TNS3: variants seen among roughly 807,000 people sequenced by gnomAD.
TNS3 encodes the protein tensin 3.
Under a neutral mutation model 140.9 loss-of-function variants are expected in TNS3, and 45 were observed. The ratio of observed to expected loss-of-function variants is 0.32; its 90% CI spans 0.25 to 0.41. TNS3 has a LOEUF of 0.41. TNS3 is among the 10% of genes least tolerant of loss of function. The pLI is 1.00. For missense variants in TNS3, 1,716 were observed against 1,906.7 expected (o/e 0.90, Z 1.86); for synonymous variants, 815 against 788.4 (o/e 1.03, Z -0.56).
chr7:47,406,761 A>T (rs74580496), intron 13 of TNS3, among the ~76,000 whole-genome samples: 5,741 of 152,282 alleles, frequency 0.038, 159 homozygotes, highest in South Asian at 0.12. Flanking sequence ...CCACCTGCAT[A>T]TCTGAACTTT....
At chr7:47,452,856 G>T in intron 4 of TNS3, 2 of 919,648 alleles carry the variant, frequency 2.2e-6, no homozygotes, top group Non-Finnish European at 2.6e-6. Context: ...AGGCCACAGA[G>T]GAGGGTGGCC....
chr7:47,278,252 G>C (rs575712884), intron 30 of TNS3, 32 bp from the exon 31 acceptor site: 1 of 1,601,966 alleles, frequency 6.2e-7, no homozygotes, highest in South Asian at 1.1e-5. Flanking sequence ...AGAGTGGTCA[G>C]TGTCCCACAA....
intron 20 of TNS3, among the ~76,000 whole-genome samples, chr7:47,311,843 GA>G (rs1365468628): frequency 6.6e-6 from 1 of 152,030 alleles, no homozygotes; most frequent in Non-Finnish European, 1.5e-5. Context: ...ACCTAAGAAG[GA>G]TTAATAAAAA....
intron 16 of TNS3, among the ~76,000 whole-genome samples, chr7:47,389,572 T>C (rs1038255871): frequency 7.5e-5 from 11 of 147,348 alleles, no homozygotes; most frequent in African/African-American, 2.5e-4. Context: ...GCTCAGGGAC[T>C]GGAACAACTC....
intron 2 of TNS3, 63 bp downstream of exon 2, chr7:47,528,973 G>A (rs1371158693): frequency 9.4e-6 from 10 of 1,068,322 alleles, no homozygotes; most frequent in Admixed American, 7.5e-5. Context: ...AAAAGTTTTC[G>A]TTTTGTTTCT....
chr7:47,389,645 C>A (rs1287730064), intron 16 of TNS3, among the ~76,000 whole-genome samples: 1 of 152,200 alleles, frequency 6.6e-6, no homozygotes, highest in East Asian at 1.9e-4. Context: ...TTGAAAGTAA[C>A]ACCCACATGA....
intron 4 of TNS3, chr7:47,470,546 T>C: frequency 1.0e-6 from 1 of 985,392 alleles, no homozygotes; most frequent in Non-Finnish European, 1.2e-6. Flanking sequence ...ACGACAATAC[T>C]TCAGCCAAAG....
chr7:47,427,273 C>T (rs941572896), intron 9 of TNS3, among the ~76,000 whole-genome samples: 2 of 152,128 alleles, frequency 1.3e-5, no homozygotes, highest in East Asian at 1.9e-4. Flanking sequence ...ACACACACAC[C>T]GATGATTATT....
chr7:47,349,193 C>T (rs1287598421), intron 17 of TNS3, among the ~76,000 whole-genome samples: 1 of 151,916 alleles, frequency 6.6e-6, no homozygotes, highest in Non-Finnish European at 1.5e-5. Flanking sequence ...CAATGTTCTT[C>T]ATTCAAAAAG....
intron 2 of TNS3, among the ~76,000 whole-genome samples, chr7:47,528,532 T>G (rs1395481711): frequency 5.3e-5 from 8 of 152,126 alleles, no homozygotes; most frequent in African/African-American, 1.7e-4. Flanking sequence ...CAGTCACACC[T>G]CTCTTACTAG....
At chr7:47,498,690 C>T (rs539043348) in intron 3 of TNS3, among the ~76,000 whole-genome samples, 7 of 152,280 alleles carry the variant, frequency 4.6e-5, no homozygotes, top group East Asian at 3.9e-4. Context: ...ACACTTATGC[C>T]GCACTAAAAA....
chr7:47,428,725 G>A (rs1794781747), intron 8 of TNS3, among the ~76,000 whole-genome samples: 1 of 152,230 alleles, frequency 6.6e-6, no homozygotes, highest in African/African-American at 2.4e-5. Context: ...TAATTATCCA[G>A]GTCAGACAGA....
At chr7:47,452,927 A>T in intron 4 of TNS3, 1 of 985,466 alleles carries the variant, frequency 1.0e-6, no homozygotes, top group East Asian at 1.1e-4. Flanking sequence ...GGAGTTGGGA[A>T]CTTACTGTGC....
chr7:47,563,222 T>G (rs960544428), intron 1 of TNS3, among the ~76,000 whole-genome samples: 1 of 152,182 alleles, frequency 6.6e-6, no homozygotes, highest in Non-Finnish European at 1.5e-5. Flanking sequence ...GGAGCCCCCC[T>G]TCAAGGACTC....
chr7:47,515,246 C>T (rs1408789756), intron 2 of TNS3, among the ~76,000 whole-genome samples: 2 of 152,154 alleles, frequency 1.3e-5, no homozygotes, highest in Admixed American at 6.5e-5. Context: ...ACCTGAAAGT[C>T]CAAGAATGAG....
chr7:47,429,828 G>T (rs1794841421), intron 8 of TNS3, among the ~76,000 whole-genome samples: 1 of 152,190 alleles, frequency 6.6e-6, no homozygotes, highest in African/African-American at 2.4e-5. Flanking sequence ...AGTCATACAT[G>T]AAAGTCACCC....
intron 4 of TNS3, among the ~76,000 whole-genome samples, chr7:47,446,112 C>G (rs1042479574): frequency 4.6e-5 from 7 of 151,948 alleles, no homozygotes; most frequent in African/African-American, 1.5e-4. Context: ...GTGTTTTTTT[C>G]TTTTGTTTTG....
At chr7:47,452,804 T>C (rs1208966789) in intron 4 of TNS3, 1 of 496,776 alleles carries the variant, frequency 2.0e-6, no homozygotes, top group Non-Finnish European at 2.6e-6. Context: ...AGGGGAAAAA[T>C]GACTTGGAAA....
intron 1 of TNS3, among the ~76,000 whole-genome samples, chr7:47,540,236 AAGGTTCTTCCCAGGAACAAAATG>A (rs1192298381): frequency 9.9e-5 from 15 of 151,632 alleles, no homozygotes; most frequent in South Asian, 4.2e-4. Flanking sequence ...GGAACAAAAC[AAGGTTCTTCCCAGGAACAAAATG>A]AGGTTCTTCC....
Sources: gnomAD v4.1 joint callset for allele counts (sites outside exome capture counted in the v4.1 genomes callset) on GRCh38, gnomAD v4.1.1 for gene constraint, MANE v1.5 for transcripts, NCBI Gene and HGNC (gene_info 2026-07-23, HGNC 2026-07-21) for gene names.